The following PDCD6 variants were observed in gnomAD, a reference collection of about 807,000 sequenced individuals.
PDCD6 encodes programmed cell death 6, also known as programmed cell death protein 6.
In PDCD6, 12 loss-of-function variants were observed where a neutral mutation model predicts 28.3. The ratio of observed to expected loss-of-function variants is 0.42; its 90% confidence interval spans 0.27 to 0.69. The LOEUF is 0.69. Ranked by LOEUF, PDCD6 falls within the 30% of genes least tolerant of loss-of-function variation. The probability of loss-of-function intolerance (pLI) is 0.22; values close to 1 mark genes in which losing one functional copy is unlikely to be tolerated. For synonymous variants in PDCD6, 92 were observed against 108.0 expected (o/e 0.85, Z 0.92); for missense variants, 226 against 269.9 (o/e 0.84, Z 1.14).
At chr5:300,145 C>T (rs1180531954) in intron 2 of PDCD6, among the ~76,000 whole-genome samples, 7 of 152,194 alleles carry the variant, frequency 4.6e-5, no homozygotes, top group Non-Finnish European at 1.0e-4. Flanking sequence ...CTCCTGGGAG[C>T]TGAGCTCCTG....
At chr5:301,772 G>A (rs562495949) in intron 2 of PDCD6, among the ~76,000 whole-genome samples, 31 of 141,006 alleles carry the variant, frequency 2.2e-4, no homozygotes, top group Admixed American at 4.3e-4. Flanking sequence ...AGGGTGGGTC[G>A]TGGAGTGCTG....
At chr5:274,044 G>A (rs2126677193) in intron 2 of PDCD6, among the ~76,000 whole-genome samples, 1 of 151,674 alleles carries the variant, frequency 6.6e-6, no homozygotes, top group South Asian at 2.1e-4. Flanking sequence ...GCTACAATTT[G>A]GCAAATCTCA....
intron 2 of PDCD6, chr5:288,968 A>G (rs1004559572): frequency 2.3e-5 from 33 of 1,425,740 alleles, no homozygotes; most frequent in Admixed American, 1.3e-4. Flanking sequence ...CAGAAGAACC[A>G]CTACTTTCAG....
At chr5:303,308 A>C (rs903465698) in intron 2 of PDCD6, among the ~76,000 whole-genome samples, 4 of 151,846 alleles carry the variant, frequency 2.6e-5, no homozygotes, top group Non-Finnish European at 4.4e-5. Context: ...AAAAAAAAAA[A>C]AAAACTGTGT....
chr5:288,225 T>A (rs1324308888), intron 2 of PDCD6, among the ~76,000 whole-genome samples: 4 of 150,688 alleles, frequency 2.7e-5, no homozygotes, highest in African/African-American at 9.7e-5. Flanking sequence ...AGAAAAAGTA[T>A]CCACTGTATT....
At chr5:282,548 G>A (rs191762412) in intron 2 of PDCD6, among the ~76,000 whole-genome samples, 24 of 152,268 alleles carry the variant, frequency 1.6e-4, no homozygotes, top group African/African-American at 5.5e-4. Context: ...GGGTCATGCA[G>A]CTGAAGACTC....
At chr5:299,808 C>A (rs1022490566) in intron 2 of PDCD6, among the ~76,000 whole-genome samples, 2 of 152,150 alleles carry the variant, frequency 1.3e-5, no homozygotes, top group Non-Finnish European at 2.9e-5. Context: ...CTTGGCCTCC[C>A]AAAGTGCTGG....
At chr5:294,659 A>C (rs1739494946) in intron 2 of PDCD6, among the ~76,000 whole-genome samples, 3 of 152,268 alleles carry the variant, frequency 2.0e-5, no homozygotes, top group Admixed American at 1.3e-4. Context: ...AGTTAAGCAC[A>C]TCCTTACCCT....
At chr5:294,047 G>A (rs902792723) in intron 2 of PDCD6, among the ~76,000 whole-genome samples, 2 of 148,896 alleles carry the variant, frequency 1.3e-5, no homozygotes, top group Non-Finnish European at 2.9e-5. Flanking sequence ...GACACAAAAT[G>A]TTACTCAACA....
At chr5:281,159 G>C (rs1431280136) in intron 2 of PDCD6, among the ~76,000 whole-genome samples, 1 of 152,250 alleles carries the variant, frequency 6.6e-6, no homozygotes, top group East Asian at 1.9e-4. Flanking sequence ...AAGGCTAATG[G>C]AAAGTAGAAA....
In PDCD6 at chr5:314,704, G is replaced by A. The variant is rs759980982; in HGVS notation, c.*189G>A. The A allele has an allele frequency of 1.5e-5, 10 of 676,870 alleles. No homozygotes were observed. Among genetic ancestry groups the A allele is most frequent in the Admixed American group, 1.2e-4 (6 of 49,200 alleles). 41.9% of individuals were successfully genotyped at this position (676,870 alleles called of 1,614,324 possible). A position where few individuals can be genotyped will look rare whatever the true frequency, so the allele number is the denominator to read the frequency against. On this transcript the variant is annotated 3_prime_UTR_variant, in exon 6 of 6. Coordinates refer to ENST00000264933, the MANE Select transcript of PDCD6 (RefSeq NM_013232.4). The stretch of plus-strand genomic sequence containing the variant: ...TTGCAACTGTAATAGTAGCTGTATC[G>A]TTCTAATGCAGACATTGGATTTGGT...
At chr5:314,314 A>T (rs567132948) in intron 5 of PDCD6, 103 bp from the exon 6 acceptor site, 3 of 765,750 alleles carry the variant, frequency 3.9e-6, no homozygotes, top group Non-Finnish European at 6.7e-6. Flanking sequence ...GGGAGCCCAG[A>T]AGACGTGTGT....
In PDCD6 at chr5:294,308, A is replaced by G. The variant is rs565145967; in HGVS notation, c.164-9869A>G. Among the ~76,000 whole-genome samples the G allele has an allele frequency of 2.0e-5, 3 of 146,466 alleles. No homozygotes were observed. The South Asian group carries it at 6.3e-4, about 31-fold the overall frequency. On this transcript the variant is annotated intron_variant, in intron 2 of 5. Coordinates refer to ENST00000264933, the MANE Select transcript of PDCD6 (RefSeq NM_013232.4). Reference sequence around the variant, plus strand: ...ACATTTGTGAATCACACGTCTCACAACGTACTGGCACGCAGGATATGTGAA... The same window carrying G: ...ACATTTGTGAATCACACGTCTCACAGCGTACTGGCACGCAGGATATGTGAA...
In PDCD6 at chr5:279,798, A is replaced by T. The variant is rs1379221095; in HGVS notation, c.163+7026A>T. ...AAAGTAATGGCAAAAAAAAAAAAAA[A>T]AAAAAAAACGAGGAGCCGGTGCTGC... On this transcript the variant is annotated intron_variant, in intron 2 of 5. Transcript: ENST00000264933. Among the ~76,000 whole-genome samples, 31 of 148,886 alleles carry T rather than the reference A, an allele frequency of 2.1e-4. 1 individual carries two copies. Among genetic ancestry groups the T allele is most frequent in the African/African-American group, 8.0e-4 (31 of 38,772 alleles).
At chr5:275,952 C>T in intron 2 of PDCD6, 6 of 1,252,650 alleles carry the variant, frequency 4.8e-6, no homozygotes, top group Non-Finnish European at 4.2e-6. Context: ...TCTGAAGATG[C>T]CCTTGTCCTC....
intron 5 of PDCD6, chr5:311,873 C>T (rs183098260): frequency 1.7e-3 from 283 of 169,860 alleles, no homozygotes; most frequent in African/African-American, 6.4e-3. Context: ...TTAGTAGAGA[C>T]GGGATTTTGC....
In PDCD6 at chr5:307,921, C is replaced by T. The variant is rs554343403; in HGVS notation, c.367+1161C>T. Among the ~76,000 whole-genome samples the T allele has an allele frequency of 6.6e-6, 1 of 152,166 alleles. No homozygotes were observed. Among genetic ancestry groups the T allele is most frequent in the African/African-American group, 2.4e-5 (1 of 41,446 alleles). ...CCTCAAGAAGCAGTTCTGAGCTGAC[C>T]AGCTGCGAGCCAGGATTTGGGCTGG... On this transcript the variant is annotated intron_variant, in intron 4 of 5. Transcript: ENST00000264933. The surrounding 1 kb of genome is among the most constrained non-coding windows in gnomAD (Gnocchi z 6.1).
At chr5:288,289 A>AT (rs1248239894) in intron 2 of PDCD6, among the ~76,000 whole-genome samples, 17 of 88,606 alleles carry the variant, frequency 1.9e-4, no homozygotes, top group Admixed American at 9.4e-4. Context: ...AATAATATAT[A>AT]TATTATATAT....
chr5:271,867 G>T, intron 1 of PDCD6, 46 bp downstream of exon 1: 2 of 1,134,084 alleles, frequency 1.8e-6, no homozygotes. Context: ...CGCCGCGGCG[G>T]CCCCGACCCC....
Sources: gnomAD v4.1 joint callset for allele counts (sites outside exome capture counted in the v4.1 genomes callset) on GRCh38, gnomAD v4.1.1 for gene constraint, Gnocchi (gnomAD v3.1) non-coding constraint, MANE v1.5 for transcripts, NCBI Gene and HGNC (gene_info 2026-07-23, HGNC 2026-07-21) for gene names.